ABHD5: variants seen among roughly 807,000 people sequenced by gnomAD.
The protein encoded by ABHD5 is 1-acylglycerol-3-phosphate O-acyltransferase ABHD5.
In ABHD5, 30 loss-of-function variants were observed where a neutral mutation model predicts 44.9. The ratio of observed to expected loss-of-function variants is 0.67; its 90% CI spans 0.50 to 0.91. The LOEUF (loss-of-function observed/expected upper bound fraction) is 0.91. ABHD5 is among the 40% of genes least tolerant of loss of function. ABHD5 has a pLI of 0.00. For missense variants in ABHD5, 399 were observed against 423.4 expected (o/e 0.94, Z 0.50); for synonymous variants, 167 against 147.0 (o/e 1.14, Z -0.99).
At chr3:43,696,610 G>C (rs953761376) in intron 1 of ABHD5, among the ~76,000 whole-genome samples, 23 of 152,002 alleles carry the variant, frequency 1.5e-4, no homozygotes, top group Admixed American at 7.9e-4. Context: ...TAAGGTATGA[G>C]ACCTTTGAAC....
intron 3 of ABHD5, among the ~76,000 whole-genome samples, chr3:43,703,539 C>CTCTACT (rs2149596860): frequency 6.6e-6 from 1 of 152,228 alleles, no homozygotes; most frequent in Non-Finnish European, 1.5e-5. Flanking sequence ...GAGAGAGGGT[C>CTCTACT]ACATTTAAGT....
At chr3:43,706,286 A>G (rs766003526) in intron 3 of ABHD5, among the ~76,000 whole-genome samples, 2 of 152,128 alleles carry the variant, frequency 1.3e-5, no homozygotes, top group African/African-American at 2.4e-5. Context: ...CATTTTTATT[A>G]TGCTGTCATG....
chr3:43,725,490 T>G (rs559263767), downstream of ABHD5, among the ~76,000 whole-genome samples: 61 of 152,382 alleles, frequency 4.0e-4, no homozygotes, highest in African/African-American at 1.4e-3. Flanking sequence ...GGACAAGGAA[T>G]GTTATTCTAC....
chr3:43,716,083 T>C (rs928432593), intron 5 of ABHD5, among the ~76,000 whole-genome samples: 1 of 152,126 alleles, frequency 6.6e-6, no homozygotes, highest in Non-Finnish European at 1.5e-5. Flanking sequence ...TTTAAAAATA[T>C]GACTTATGGA....
intron 1 of ABHD5, chr3:43,691,274 G>A (rs2084374352): frequency 2.4e-5 from 9 of 375,196 alleles, no homozygotes; most frequent in Admixed American, 4.6e-5. Context: ...CCGGACTCCG[G>A]CCGCGCCGGG....
intron 7 of ABHD5, among the ~76,000 whole-genome samples, chr3:43,727,967 C>T (rs1447664747): frequency 6.6e-6 from 1 of 152,184 alleles, no homozygotes; most frequent in African/African-American, 2.4e-5. Context: ...AAAATGTTTG[C>T]AATCAGCATC....
At chr3:43,701,019 C>T (rs2084535932) in intron 2 of ABHD5, among the ~76,000 whole-genome samples, 1 of 152,218 alleles carries the variant, frequency 6.6e-6, no homozygotes, top group African/African-American at 2.4e-5. Flanking sequence ...GCTAGATTCT[C>T]AATTCATGCA....
In ABHD5 at chr3:43,722,220, A is replaced by G. The variant is rs566119632; in HGVS notation, c.*3688A>G. 1 of 152,388 alleles carries G rather than the reference A, an allele frequency of 6.6e-6. No individual in the cohort carries two copies. The highest frequency in any genetic ancestry group is 2.4e-5 in the African/African-American group (1 of 41,596). 9.4% of individuals were successfully genotyped at this position (152,388 alleles called of 1,614,324 possible). A position where few individuals can be genotyped will look rare whatever the true frequency, so the allele number is the denominator to read the frequency against. On this transcript the variant is annotated 3_prime_UTR_variant, in exon 7 of 7. Coordinates refer to ENST00000644371, the MANE Select transcript of ABHD5 (RefSeq NM_016006.6). ...GGGAATTGATGGAAGGAACTAGGGT[A>G]TATCTATACAATGGGATACTACACA... is the stretch of plus-strand genomic sequence containing the variant.
In ABHD5 at chr3:43,691,055, A is replaced by G; in HGVS notation, c.47+16A>G. ...CCGGAGAGAGGTAAGCGCAGCCGGC[A>G]GGGGGCTTCGTGTGTCTCCGGCGCG... On this transcript the variant is annotated intron_variant, in intron 1 of 6. Coordinates refer to ENST00000644371, the MANE Select transcript of ABHD5 (RefSeq NM_016006.6). 6.5e-7 allele frequency: 1 copy of G among 1,544,612 alleles called. No homozygotes were observed.
At chr3:43,704,033 CTTTTTT>C (rs10544525) in intron 3 of ABHD5, among the ~76,000 whole-genome samples, 228 of 84,874 alleles carry the variant, frequency 2.7e-3, no homozygotes, top group African/African-American at 0.011. Context: ...TCTTTATTTT[CTTTTTT>C]TTTTTTTTTT....
chr3:43,718,634 C>A lies in ABHD5; in HGVS notation c.*102C>A. ...GTAGTGAATACAACACACAACCAGG[C>A]AGCCTTCTTGACTATACTTTGCACA... On this transcript the variant is annotated 3_prime_UTR_variant, in exon 7 of 7. Coordinates refer to ENST00000644371, the MANE Select transcript of ABHD5 (RefSeq NM_016006.6). 4 of 1,158,304 alleles carry A rather than the reference C, an allele frequency of 3.5e-6. No homozygotes were observed. In the South Asian group the frequency reaches 3.7e-5, roughly 11 times the overall value. 71.8% of individuals were successfully genotyped at this position (1,158,304 alleles called of 1,614,324 possible).
chr3:43,691,349 G>C (rs1230185474), intron 1 of ABHD5: 1 of 241,286 alleles, frequency 4.1e-6, no homozygotes, highest in Non-Finnish European at 7.9e-6. Context: ...GCGGGCCGGC[G>C]ACGGAGCTGG....
At chr3:43,703,311 T>G in intron 3 of ABHD5, among the ~76,000 whole-genome samples, 1 of 152,064 alleles carries the variant, frequency 6.6e-6, no homozygotes, top group Non-Finnish European at 1.5e-5. Context: ...TTTGAATAGC[T>G]GTGACTACAG....
chr3:43,700,740 A>ATTTTTTTTTTTTTTTTTTTTTTTTT (rs1361660825), intron 2 of ABHD5, among the ~76,000 whole-genome samples: 11 of 151,244 alleles, frequency 7.3e-5, no homozygotes, highest in South Asian at 4.2e-4. Flanking sequence ...TACCCAGCTA[A>ATTTTTTTTTTTTTTTTTTTTTTTTT]TTTTTGTATT....
intron 3 of ABHD5, chr3:43,707,580 T>G (rs1441471190): frequency 2.6e-5 from 4 of 152,236 alleles, no homozygotes; most frequent in Non-Finnish European, 5.9e-5. Flanking sequence ...TTCTGATTAT[T>G]TTCCTTAGAT....
intron 5 of ABHD5, among the ~76,000 whole-genome samples, chr3:43,717,394 C>A (rs1370108556): frequency 3.3e-5 from 5 of 152,106 alleles, no homozygotes; most frequent in Non-Finnish European, 7.4e-5. Context: ...ACTATCTCCA[C>A]AATAAATAAT....
chr3:43,731,351 T>A lies in ABHD5; in HGVS notation c.*30-2529T>A, dbSNP rs140648946. On this transcript the variant is annotated intron_variant, in intron 7 of 7. Transcript: ENST00000454293. ...TGGTTTATCTTCCAAATGGGAACTA[T>A]CTCCAAAGTGCTAAATTTTTATGAA... Among the ~76,000 whole-genome samples, 362 of 152,346 alleles carry A rather than the reference T, an allele frequency of 2.4e-3. 5 individuals carry two copies. Among genetic ancestry groups the A allele is most frequent in the African/African-American group, 8.0e-3 (333 of 41,572 alleles).
intron 3 of ABHD5, 66 bp from the exon 4 acceptor site, chr3:43,711,643 G>A (rs2149602286): frequency 1.9e-6 from 3 of 1,569,954 alleles, no homozygotes; most frequent in East Asian, 2.2e-5. Context: ...TATAAATCAT[G>A]TTAGCTCTTT....
intron 3 of ABHD5, among the ~76,000 whole-genome samples, chr3:43,707,197 T>C (rs929569489): frequency 6.6e-6 from 1 of 152,214 alleles, no homozygotes; most frequent in Non-Finnish European, 1.5e-5. Flanking sequence ...ATATTTGTTA[T>C]AAACTACGGA....
Sources: allele counts gnomAD v4.1 joint callset (sites outside exome capture counted in the v4.1 genomes callset), GRCh38; gene constraint gnomAD v4.1.1; transcripts MANE v1.5; gene names NCBI Gene and HGNC (gene_info 2026-07-23, HGNC 2026-07-21).